ITIH5: variants seen among roughly 807,000 people sequenced by gnomAD.
ITIH5 encodes the protein inter-alpha-trypsin inhibitor heavy chain 5.
In ITIH5, 65 loss-of-function variants were observed where a neutral mutation model predicts 77.5. That is an observed-to-expected ratio of 0.84 (90% CI 0.69 to 1.03). ITIH5 has a LOEUF of 1.03. Ranked by LOEUF, ITIH5 falls within the 50% of genes least tolerant of loss-of-function variation. ITIH5 has a pLI of 0.00. For synonymous variants in ITIH5, 525 were observed against 494.3 expected (o/e 1.06, Z -0.82); for missense variants, 1,208 against 1,213.1 (o/e 1.00, Z 0.06).
chr10:7,644,289 C>A (rs1833934871), intron 2 of ITIH5, among the ~76,000 whole-genome samples: 1 of 148,086 alleles, frequency 6.8e-6, no homozygotes. Flanking sequence ...GTATATATAT[C>A]ATATATATCA....
rs747940115 is a variant in ITIH5, at chr10:7,565,183, T to C, written c.2527+847A>G. Among the ~76,000 whole-genome samples, 4 of 51,036 alleles carry C rather than the reference T, an allele frequency of 7.8e-5. No homozygotes were observed. The South Asian group carries it at 2.5e-3, about 32-fold the overall frequency. 33.5% of individuals were successfully genotyped at this position (51,036 alleles called of 152,430 possible). Reference sequence around the variant, plus strand: ...TAAACACACATACATACACAGGCTATATATATATATATACACACACATACA... The same window carrying C: ...TAAACACACATACATACACAGGCTACATATATATATATACACACACATACA... On this transcript the variant is annotated intron_variant, in intron 13 of 13. Transcript: ENST00000397146.
chr10:7,567,321 TA>T (rs1832207329), intron 12 of ITIH5, among the ~76,000 whole-genome samples: 2 of 135,788 alleles, frequency 1.5e-5, no homozygotes, highest in African/African-American at 6.4e-5. Flanking sequence ...GGACATCTTT[TA>T]TTATTATTAT....
intron 7 of ITIH5, among the ~76,000 whole-genome samples, chr10:7,594,144 G>A (rs1383172537): frequency 1.3e-5 from 2 of 152,230 alleles, no homozygotes; most frequent in African/African-American, 2.4e-5. Flanking sequence ...AGAGGCAGAA[G>A]TTGTGTCCTC....
In ITIH5 at chr10:7,563,223, T is replaced by C. The variant is rs1490133169; in HGVS notation, c.2689A>G (p.Asn897Asp). The C allele has an allele frequency of 1.1e-5, 18 of 1,614,220 alleles. No homozygotes were observed. The highest frequency in any genetic ancestry group is 1.4e-5 in the Non-Finnish European group (17 of 1,180,036). ...CAGCAGTCTATCTGCTCTTCCCCGT[T>C]GTAAATCTTCCTTTGCTTCCAGACC... ...PVVWKQRKIY[N>D]GEEQIDCWFA... Residue 897 changes from asparagine (N) to aspartate (D), a missense_variant, in exon 14 of 14, where the codon AAC becomes GAC. Physicochemically the swap from Asn to Asp is conservative, Grantham distance 23. Transcript: ENST00000397146.
At chr10:7,602,959 T>G (rs1424167773) in intron 7 of ITIH5, among the ~76,000 whole-genome samples, 1 of 152,090 alleles carries the variant, frequency 6.6e-6, no homozygotes, top group Non-Finnish European at 1.5e-5. Flanking sequence ...TCTCATAGCT[T>G]CCGTGTCCTA....
Position 7,613,065 on chromosome 10 carries a change from T to C in ITIH5, c.939+2917A>G, listed in dbSNP as rs548910902. Among the ~76,000 whole-genome samples, 26 of 152,142 alleles carry C rather than the reference T, an allele frequency of 1.7e-4. No individual in the cohort carries two copies. The South Asian group carries it at 4.8e-3, about 28-fold the overall frequency. ...TTCGAGACCAGCCTGGCCAACATGGTGAAATCCCACCTCTACTAAAAATAC... is the reference window on the plus strand; with the variant it reads ...TTCGAGACCAGCCTGGCCAACATGGCGAAATCCCACCTCTACTAAAAATAC... On this transcript the variant is annotated intron_variant, in intron 7 of 13. Transcript: ENST00000397146.
chr10:7,644,613 C>A (rs560636114), intron 2 of ITIH5, among the ~76,000 whole-genome samples: 9,371 of 78,676 alleles, frequency 0.12, 975 homozygotes, highest in South Asian at 0.2. Context: ...TCACATATAT[C>A]ACATATATAT....
At chr10:7,660,162 A>G (rs200697139) in intron 1 of ITIH5, among the ~76,000 whole-genome samples, 2 of 152,338 alleles carry the variant, frequency 1.3e-5, no homozygotes, top group East Asian at 3.9e-4. Flanking sequence ...ACCAAGGACC[A>G]TACTCTCTAA....
In ITIH5 at chr10:7,637,383, C is replaced by A. The variant is rs780860199; in HGVS notation, c.497G>T (p.Arg166Leu). Residue 166 changes from arginine (R) to leucine (L), a missense_variant, in exon 5 of 14, where the codon CGC becomes CTC. Coordinates refer to ENST00000397146, the MANE Select transcript of ITIH5 (RefSeq NM_030569.7). Reference sequence around the variant, plus strand: ...GATGCTGTGCTCGTACTTGCCCAGGCGCCTCTGCAGAAGCTCCTCATAACT... The same window carrying A: ...GATGCTGTGCTCGTACTTGCCCAGGAGCCTCTGCAGAAGCTCCTCATAACT... ...FLSYEELLQR[R>L]LGKYEHSISV... 8 of 1,614,228 alleles carry A rather than the reference C, an allele frequency of 5.0e-6. No individual in the cohort carries two copies. The highest frequency in any genetic ancestry group is 6.8e-6 in the Non-Finnish European group (8 of 1,180,048).
intron 7 of ITIH5, among the ~76,000 whole-genome samples, chr10:7,609,954 G>T (rs1488918533): frequency 1.3e-5 from 2 of 151,824 alleles, no homozygotes; most frequent in Non-Finnish European, 2.9e-5. Context: ...ATCCTCCCAA[G>T]GACTACATGT....
chr10:7,589,544 C>A (rs1832750585), intron 7 of ITIH5, among the ~76,000 whole-genome samples: 1 of 152,130 alleles, frequency 6.6e-6, no homozygotes, highest in East Asian at 1.9e-4. Flanking sequence ...ACCTTCTCAT[C>A]CTACTGAAGA....
At chr10:7,628,685 G>A (rs75145044) in intron 5 of ITIH5, among the ~76,000 whole-genome samples, 18,015 of 133,030 alleles carry the variant, frequency 0.14, 2,370 homozygotes, top group Non-Finnish European at 0.2. Context: ...ATGTTGTAGC[G>A]TGTGTCCATG....
intron 7 of ITIH5, 125 bp downstream of exon 7, chr10:7,615,857 C>T: frequency 1.5e-6 from 1 of 681,038 alleles, no homozygotes; most frequent in Non-Finnish European, 2.7e-6. Flanking sequence ...AGAAGGCTTT[C>T]CATAGGCAGG....
At chr10:7,623,008 T>G (rs569642417) in intron 5 of ITIH5, among the ~76,000 whole-genome samples, 1 of 152,380 alleles carries the variant, frequency 6.6e-6, no homozygotes, top group African/African-American at 2.4e-5. Context: ...TCCTGATACA[T>G]GGAGGTTGGT....
chr10:7,619,374 A>G (rs1349326365), intron 5 of ITIH5: 1 of 152,804 alleles, frequency 6.5e-6, no homozygotes, highest in Non-Finnish European at 1.5e-5. Context: ...GGCCTTGGTT[A>G]TCTCATCTGT....
Position 7,666,840 on chromosome 10 carries a change from T to C in ITIH5, c.53A>G (p.Gln18Arg). 1 of 1,609,226 alleles carries C rather than the reference T, an allele frequency of 6.2e-7. No homozygotes were observed. The highest frequency in any genetic ancestry group is 8.5e-7 in the Non-Finnish European group (1 of 1,178,300). ...GTGGCCCCAGCTCTGCGCCTCTTCC[T>C]GCGACCCCACACACAGGGACAGCCC... The part of the protein sequence containing the change: ...CLGLSLCVGS[Q>R]EEAQSWGHSS... Residue 18 changes from glutamine (Q) to arginine (R), a missense_variant, in exon 1 of 14, where the codon CAG becomes CGG. Coordinates refer to ENST00000397146, the MANE Select transcript of ITIH5 (RefSeq NM_030569.7).
chr10:7,635,043 C>T (rs1355517627), intron 5 of ITIH5, among the ~76,000 whole-genome samples: 4 of 152,158 alleles, frequency 2.6e-5, no homozygotes, highest in Non-Finnish European at 5.9e-5. Flanking sequence ...CCCACCTTGG[C>T]CTCCCAAAGT....
chr10:7,661,589 G>C (rs548732505), intron 1 of ITIH5, among the ~76,000 whole-genome samples: 2 of 152,176 alleles, frequency 1.3e-5, no homozygotes, highest in Non-Finnish European at 2.9e-5. Context: ...TAATGTTGCT[G>C]CAAGTTTGTT....
intron 2 of ITIH5, among the ~76,000 whole-genome samples, chr10:7,655,375 TA>T (rs1181953940): frequency 6.6e-6 from 1 of 151,794 alleles, no homozygotes; most frequent in Non-Finnish European, 1.5e-5. Flanking sequence ...ATTTAGGCTT[TA>T]AAAAAAATAA....
Sources: gnomAD v4.1 joint callset for allele counts (sites outside exome capture counted in the v4.1 genomes callset) on GRCh38, gnomAD v4.1.1 for gene constraint, MANE v1.5 for transcripts, NCBI Gene and HGNC (gene_info 2026-07-23, HGNC 2026-07-21) for gene names.